Variants in HDAC8 observed in about 807,000 individuals in gnomAD.
HDAC8 encodes the protein histone deacetylase 8.
A neutral mutation model predicts 32.2 loss-of-function variants in HDAC8; 1 was observed. That is an observed-to-expected ratio of 0.03 (90% CI 0.01 to 0.15). The LOEUF (loss-of-function observed/expected upper bound fraction) is 0.15, where lower values mean the gene tolerates loss of function less well. Ranked by LOEUF, HDAC8 falls within the 10% of genes least tolerant of loss-of-function variation. HDAC8 has a pLI of 1.00. For missense variants in HDAC8, 117 were observed against 300.0 expected (o/e 0.39, Z 4.51); for synonymous variants, 108 against 113.9 (o/e 0.95, Z 0.33).
chrX:72,484,469 T>A (rs962174766), intron 7 of HDAC8, among the ~76,000 whole-genome samples: 2 of 112,355 alleles, frequency 1.8e-5, no homozygotes, highest in East Asian at 5.5e-4. Context: ...TGAATATTCT[T>A]AAAAAAACAT....
intron 4 of HDAC8, among the ~76,000 whole-genome samples, chrX:72,529,076 A>G (rs1433879839): frequency 1.8e-5 from 2 of 112,306 alleles, no homozygotes; most frequent in Admixed American, 1.9e-4. Context: ...AGGAGTTTAC[A>G]GTATAGCAGG....
intron 9 of HDAC8, among the ~76,000 whole-genome samples, chrX:72,416,416 T>G (rs957945904): frequency 1.4e-5 from 1 of 71,808 alleles, no homozygotes; most frequent in Non-Finnish European, 2.5e-5. Context: ...CTGTTTTTTT[T>G]TTTTTTTTTT....
At chrX:72,418,255 T>C (rs1223156544) in intron 9 of HDAC8, among the ~76,000 whole-genome samples, 2 of 111,649 alleles carry the variant, frequency 1.8e-5, no homozygotes, top group African/African-American at 6.5e-5. Context: ...CAATAGAAAC[T>C]ATCAACCAAA....
intron 10 of HDAC8, among the ~76,000 whole-genome samples, chrX:72,346,694 C>T (rs2044036776): frequency 9.2e-6 from 1 of 108,894 alleles, no homozygotes; most frequent in South Asian, 4.1e-4. Flanking sequence ...GAGCTGGCTT[C>T]TCCTACCTTC....
chrX:72,388,724 G>C (rs1355113672), intron 9 of HDAC8, among the ~76,000 whole-genome samples: 1 of 110,839 alleles, frequency 9.0e-6, no homozygotes, highest in Admixed American at 9.7e-5. Context: ...GAGCAAGGAA[G>C]TAATTAAGGT....
intron 10 of HDAC8, among the ~76,000 whole-genome samples, chrX:72,349,298 G>A (rs187503827): frequency 8.9e-6 from 1 of 112,212 alleles, no homozygotes. Flanking sequence ...CTGACCTCCA[G>A]GAACATGCTC....
At position 72,517,478 on chromosome X, in the gene HDAC8, G is replaced by A. The variant is rs781953869; in HGVS notation, c.438-22210C>T. ...TATTTTCTTTTTTTTTGTACTTTCT[G>A]TGACATATCTGAGAAAGCTTTGCCT... On this transcript the variant is annotated intron_variant, in intron 4 of 10. Transcript: ENST00000373573. Among the ~76,000 whole-genome samples the A allele has an allele frequency of 3.4e-4, 38 of 110,267 alleles. 2 individuals carry two copies. In the South Asian group the frequency reaches 0.014, roughly 41 times the overall value.
intron 9 of HDAC8, among the ~76,000 whole-genome samples, chrX:72,407,090 G>C (rs2046060559): frequency 8.9e-6 from 1 of 112,786 alleles, no homozygotes; most frequent in Non-Finnish European, 1.9e-5. Flanking sequence ...CTAATCCTCA[G>C]AATTTGTGGA....
At chrX:72,453,812 T>C (rs1050467401) in intron 9 of HDAC8, among the ~76,000 whole-genome samples, 3 of 112,082 alleles carry the variant, frequency 2.7e-5, no homozygotes, top group Non-Finnish European at 5.6e-5. Context: ...ATATGACACA[T>C]ATTATACAAG....
chrX:72,346,355 C>A (rs191961103), intron 10 of HDAC8, among the ~76,000 whole-genome samples: 1,206 of 112,042 alleles, frequency 0.011, 13 homozygotes, highest in Admixed American at 0.034. Context: ...TTCAACTTAT[C>A]CTCATGGCTT....
intron 9 of HDAC8, among the ~76,000 whole-genome samples, chrX:72,440,406 T>G (rs1354222737): frequency 2.7e-5 from 3 of 110,390 alleles, no homozygotes; most frequent in Non-Finnish European, 5.7e-5. Flanking sequence ...AACATCACAA[T>G]TAAAACAACT....
chrX:72,355,408 CCT>C (rs1555950380), intron 9 of HDAC8, among the ~76,000 whole-genome samples: 1 of 111,603 alleles, frequency 9.0e-6, no homozygotes, highest in Non-Finnish European at 1.9e-5. Context: ...GAGGTGCTAA[CCT>C]CTCTCCACCC....
At chrX:72,411,030 C>CTTTTCTTTTCTTTCTTTCTT (rs113344428) in intron 9 of HDAC8, among the ~76,000 whole-genome samples, 1 of 83,581 alleles carries the variant, frequency 1.2e-5, no homozygotes, top group African/African-American at 5.1e-5. Context: ...TTCTTTCTTT[C>CTTTTCTTTTCTTTCTTTCTT]TTTTTTTTTT....
chrX:72,382,024 T>C (rs2045279344), intron 9 of HDAC8, among the ~76,000 whole-genome samples: 1 of 112,395 alleles, frequency 8.9e-6, no homozygotes, highest in African/African-American at 3.2e-5. Context: ...CCTGGCTGTG[T>C]AAATATTTCA....
intron 7 of HDAC8, among the ~76,000 whole-genome samples, chrX:72,469,800 C>T (rs1026235676): frequency 9.0e-6 from 1 of 111,690 alleles, no homozygotes; most frequent in Non-Finnish European, 1.9e-5. Context: ...TTTCTTACAG[C>T]AGCTAGTCTA....
chrX:72,483,515 G>C (rs1556004172), intron 7 of HDAC8, among the ~76,000 whole-genome samples: 1 of 111,736 alleles, frequency 8.9e-6, no homozygotes, highest in African/African-American at 3.3e-5. Context: ...AAGCTGAGCA[G>C]ATGCTGGCAC....
intron 9 of HDAC8, among the ~76,000 whole-genome samples, chrX:72,356,479 T>A (rs1555950837): frequency 8.9e-6 from 1 of 112,168 alleles, no homozygotes; most frequent in African/African-American, 3.2e-5. Context: ...CATTGTTTTG[T>A]TCCCTGCTGC....
In HDAC8 at chrX:72,554,027, T is replaced by A. The variant is rs1055382897; in HGVS notation, c.437+13862A>T. 7.1e-5 allele frequency among the ~76,000 whole-genome samples: 8 copies of A among 112,440 alleles called. No individual in the cohort carries two copies. In the East Asian group the frequency reaches 2.2e-3, roughly 31 times the overall value. ...GAGTATTAGTGTTTAAAAAAATCAA[T>A]TAGAACAGTTAGAGATTTTAACCCT... On this transcript the variant is annotated intron_variant, in intron 4 of 10. Transcript: ENST00000373573.
At chrX:72,427,313 C>T (rs1419754578) in intron 9 of HDAC8, among the ~76,000 whole-genome samples, 1 of 110,701 alleles carries the variant, frequency 9.0e-6, no homozygotes, top group Non-Finnish European at 1.9e-5. Context: ...TTTATTGCAG[C>T]ACTATTCACA....
Sources: allele counts gnomAD v4.1 joint callset (sites outside exome capture counted in the v4.1 genomes callset), GRCh38; gene constraint gnomAD v4.1.1; transcripts MANE v1.5; gene names NCBI Gene and HGNC (gene_info 2026-07-23, HGNC 2026-07-21).